The following TBC1D12 variants were observed in gnomAD, a reference collection of about 807,000 sequenced individuals.
TBC1D12 encodes the protein TBC1 domain family member 12, also known as TBC1 domain family, member 12.
Under a neutral mutation model 86.7 loss-of-function variants are expected in TBC1D12, and 56 were observed. The ratio of observed to expected loss-of-function variants is 0.65; its 90% CI spans 0.52 to 0.81. TBC1D12 has a LOEUF of 0.81. TBC1D12 is among the 30% of genes least tolerant of loss of function. The probability of loss-of-function intolerance (pLI) is 0.00; values close to 1 mark genes in which losing one functional copy is unlikely to be tolerated. For synonymous variants in TBC1D12, 421 were observed against 411.7 expected, an observed-to-expected ratio of 1.02 and a Z score of -0.27; for missense variants, 1,023 against 1,038.8, an observed-to-expected ratio of 0.98 and a Z score of 0.21.
chr10:94,525,480 T>C (rs376043312), intron 11 of TBC1D12, among the ~76,000 whole-genome samples: 8 of 152,018 alleles, frequency 5.3e-5, no homozygotes, highest in African/African-American at 1.9e-4. Flanking sequence ...GGCCTGTGCC[T>C]GTAGTCCCAG....
chr10:94,512,956 G>A (rs1436908891), intron 9 of TBC1D12, among the ~76,000 whole-genome samples: 3 of 151,962 alleles, frequency 2.0e-5, no homozygotes, highest in Non-Finnish European at 4.4e-5. Flanking sequence ...TTCTAAAAAT[G>A]TCCCCAGGCA....
chr10:94,509,209 A>G (rs1166094153), intron 7 of TBC1D12: 1 of 151,138 alleles, frequency 6.6e-6, no homozygotes, highest in Non-Finnish European at 1.5e-5. Flanking sequence ...GGTTCAAGCA[A>G]TTCTCCTGCC....
At chr10:94,411,026 A>T (rs1256149378) in intron 1 of TBC1D12, among the ~76,000 whole-genome samples, 2 of 151,646 alleles carry the variant, frequency 1.3e-5, no homozygotes, top group Non-Finnish European at 2.9e-5. Flanking sequence ...AAAAAACAGA[A>T]TTTTTTTTTC....
At chr10:94,469,908 C>T (rs948625289) in intron 2 of TBC1D12, among the ~76,000 whole-genome samples, 2 of 152,196 alleles carry the variant, frequency 1.3e-5, no homozygotes, top group Non-Finnish European at 2.9e-5. Flanking sequence ...GAGTGATCCT[C>T]AGGCTCATCT....
At chr10:94,465,924 A>G (rs1312926021) in intron 2 of TBC1D12, among the ~76,000 whole-genome samples, 1 of 150,826 alleles carries the variant, frequency 6.6e-6, no homozygotes, top group Non-Finnish European at 1.5e-5. Context: ...ATACGTATAT[A>G]TGCGTATATA....
chr10:94,482,230 T>C (rs1403492968), intron 3 of TBC1D12, among the ~76,000 whole-genome samples: 1 of 152,200 alleles, frequency 6.6e-6, no homozygotes. Flanking sequence ...ATCATTTAGC[T>C]CTCACTTGTG....
At chr10:94,475,099 A>C (rs186602758) in intron 3 of TBC1D12, among the ~76,000 whole-genome samples, 1 of 152,282 alleles carries the variant, frequency 6.6e-6, no homozygotes, top group African/African-American at 2.4e-5. Flanking sequence ...TTGTTGTCTA[A>C]GACTTACGCA....
chr10:94,434,406 T>C (rs571819714), intron 1 of TBC1D12, among the ~76,000 whole-genome samples: 29 of 151,026 alleles, frequency 1.9e-4, no homozygotes, highest in Non-Finnish European at 3.4e-4. Flanking sequence ...CTCAGGGGGC[T>C]GAGGCAGGAG....
chr10:94,519,883 C>G (rs919258156), intron 9 of TBC1D12, among the ~76,000 whole-genome samples: 1 of 152,092 alleles, frequency 6.6e-6, no homozygotes, highest in Non-Finnish European at 1.5e-5. Flanking sequence ...TCTCAAGATC[C>G]TTGACTTAAT....
chr10:94,450,999 G>C (rs950049006), intron 2 of TBC1D12, among the ~76,000 whole-genome samples: 1 of 152,004 alleles, frequency 6.6e-6, no homozygotes, highest in African/African-American at 2.4e-5. Context: ...TAGAACAGAG[G>C]ATACTAAAGG....
intron 6 of TBC1D12, among the ~76,000 whole-genome samples, chr10:94,504,590 A>T (rs139870876): frequency 6.6e-6 from 1 of 152,194 alleles, no homozygotes; most frequent in East Asian, 1.9e-4. Context: ...ATTAGAGAAT[A>T]GTAGCTAAGA....
chr10:94,528,219 T>C (rs565141192), intron 11 of TBC1D12, among the ~76,000 whole-genome samples: 1 of 152,272 alleles, frequency 6.6e-6, no homozygotes, highest in East Asian at 1.9e-4. Flanking sequence ...ACATGGGATG[T>C]CTTTCCATTT....
chr10:94,408,031 G>A (rs2054880437), intron 1 of TBC1D12, among the ~76,000 whole-genome samples: 1 of 152,162 alleles, frequency 6.6e-6, no homozygotes, highest in Admixed American at 6.5e-5. Context: ...TTTCTAAGTA[G>A]AATGGTTTAT....
At chr10:94,523,688 T>C (rs1842213245) in intron 11 of TBC1D12, among the ~76,000 whole-genome samples, 1 of 151,846 alleles carries the variant, frequency 6.6e-6, no homozygotes, top group African/African-American at 2.4e-5. Context: ...AAAGGCCAAG[T>C]GCAGTGGCTG....
rs989883774 is a variant in TBC1D12 at position 94,522,416 on chromosome 10, T to G, written c.1963T>G (p.Ser655Ala). 9.1e-6 allele frequency: 13 copies of G among 1,432,842 alleles called. No individual in the cohort carries two copies. Among genetic ancestry groups the G allele is most frequent in the Admixed American group, 2.1e-5 (1 of 48,456 alleles). The allele number at this position is 1,432,842 out of a possible 1,614,324, so 88.8% of individuals were successfully genotyped here. A position where few individuals can be genotyped will look rare whatever the true frequency, so the allele number is the denominator to read the frequency against. Reference sequence around the variant, plus strand: ...TTCCAAATTATTTCTTCACTTCAAATCTTACAGTCTTACACCAGATATATA... The same window carrying G: ...TTCCAAATTATTTCTTCACTTCAAAGCTTACAGTCTTACACCAGATATATA... ...NLSKLFLHFK[S>A]YSLTPDIYLI... Residue 655 changes from serine to alanine, a missense_variant, in exon 11 of 13, where the codon TCT becomes GCT. Around this residue, in one of 2 missense-constraint regions of TBC1D12, gnomAD observed 395 missense variants for 507.7 expected, o/e 0.78. Coordinates refer to ENST00000225235, the MANE Select transcript of TBC1D12 (RefSeq NM_015188.2).
chr10:94,451,657 C>G lies in TBC1D12; in HGVS notation c.1095+9638C>G, dbSNP rs556632422. 3.3e-5 allele frequency among the ~76,000 whole-genome samples: 5 copies of G among 152,122 alleles called. No individual in the cohort carries two copies. In the East Asian group the frequency reaches 7.7e-4, roughly 24 times the overall value. ...TCTGGAAATTCCAGCATCTGGAACT[C>G]CTATAGGTCTGCTTATATCAAATAT... On this transcript the variant is annotated intron_variant, in intron 2 of 12. Transcript: ENST00000225235.
chr10:94,417,867 C>A (rs553439670), intron 1 of TBC1D12, among the ~76,000 whole-genome samples: 1 of 123,052 alleles, frequency 8.1e-6, no homozygotes, highest in Non-Finnish European at 1.8e-5. Flanking sequence ...TCCTGCCTCA[C>A]GCCTCCCGAG....
Position 94,512,451 on chromosome 10 carries a change from A to C in TBC1D12, c.1761+797A>C, listed in dbSNP as rs2134208792. On this transcript the variant is annotated intron_variant, in intron 9 of 12. Transcript: ENST00000225235. ...TCTCTATAGGGTGGCTGTCTGGTAC[A>C]AGTTACTTTGTTCTGTTGCATGTTC... Among the ~76,000 whole-genome samples, 2 of 152,324 alleles carry C rather than the reference A, an allele frequency of 1.3e-5. 1 individual carries two copies. Among genetic ancestry groups the C allele is most frequent in the African/African-American group, 4.8e-5 (2 of 41,580 alleles).
chr10:94,463,474 C>T (rs536501382), intron 2 of TBC1D12, among the ~76,000 whole-genome samples: 1 of 152,280 alleles, frequency 6.6e-6, no homozygotes, highest in East Asian at 1.9e-4. Flanking sequence ...GTCCCACTCT[C>T]ATGATAATAT....
Sources: allele counts gnomAD v4.1 joint callset (sites outside exome capture counted in the v4.1 genomes callset), GRCh38; gene constraint gnomAD v4.1.1; regional missense constraint gnomAD v4.1.1; transcripts MANE v1.5; gene names NCBI Gene and HGNC (gene_info 2026-07-23, HGNC 2026-07-21).